Variants in PARD3 observed in about 807,000 individuals in gnomAD.
PARD3 encodes the protein partitioning defective 3 homolog.
In PARD3, 75 loss-of-function variants were observed where a neutral mutation model predicts 155.4. That is an observed-to-expected ratio of 0.48 (90% CI 0.40 to 0.58). The LOEUF (loss-of-function observed/expected upper bound fraction) is 0.58. PARD3 is among the 20% of genes least tolerant of loss of function. PARD3 has a pLI of 0.00. For synonymous variants in PARD3, 576 were observed against 610.5 expected (o/e 0.94, Z 0.83); for missense variants, 1,642 against 1,721.7 (o/e 0.95, Z 0.82).
At chr10:34,702,020 C>G (rs971243884) in intron 1 of PARD3, among the ~76,000 whole-genome samples, 1 of 151,936 alleles carries the variant, frequency 6.6e-6, no homozygotes, top group Non-Finnish European at 1.5e-5. Context: ...AAACAATTAG[C>G]CGGGCATAGT....
chr10:34,151,905 TTC>T (rs1459041291), intron 22 of PARD3, among the ~76,000 whole-genome samples: 2 of 152,212 alleles, frequency 1.3e-5, no homozygotes, highest in Non-Finnish European at 2.9e-5. Flanking sequence ...TTTAAATATA[TTC>T]TGTTACTTAT....
chr10:34,579,554 C>CTCTGTGTGTGTGTGTGTGTG (rs1554775574), intron 2 of PARD3, among the ~76,000 whole-genome samples: 6 of 122,574 alleles, frequency 4.9e-5, no homozygotes, highest in African/African-American at 1.7e-4. Context: ...ACCATTTTCT[C>CTCTGTGTGTGTGTGTGTGTG]TGTGTGTGTG....
At chr10:34,328,550 G>C (rs74131702) in intron 19 of PARD3, among the ~76,000 whole-genome samples, 9,380 of 152,166 alleles carry the variant, frequency 0.062, 949 homozygotes, top group African/African-American at 0.21. Context: ...AAACAACTGT[G>C]AAGGTGGTGG....
intron 24 of PARD3, among the ~76,000 whole-genome samples, chr10:34,114,624 C>T (rs1946566799): frequency 1.3e-5 from 2 of 152,172 alleles, no homozygotes; most frequent in African/African-American, 4.8e-5. Flanking sequence ...GGATTACAGG[C>T]ATGAGCCACT....
chr10:34,178,353 C>A (rs182317804), intron 22 of PARD3, among the ~76,000 whole-genome samples: 3 of 152,318 alleles, frequency 2.0e-5, no homozygotes, highest in East Asian at 3.9e-4. Flanking sequence ...TCAAGACATT[C>A]CAGGGATCAA....
chr10:34,632,358 C>T (rs539684262), intron 2 of PARD3, among the ~76,000 whole-genome samples: 2 of 152,328 alleles, frequency 1.3e-5, no homozygotes, highest in East Asian at 1.9e-4. Context: ...CAGAATCCAG[C>T]CCCATCCTCT....
chr10:34,746,569 C>T (rs1240977171), intron 1 of PARD3, among the ~76,000 whole-genome samples: 4 of 151,992 alleles, frequency 2.6e-5, no homozygotes, highest in Non-Finnish European at 5.9e-5. Context: ...CATAAGTAGC[C>T]CAAACTTGTA....
intron 1 of PARD3, among the ~76,000 whole-genome samples, chr10:34,699,783 G>A (rs1208574492): frequency 6.6e-6 from 1 of 152,108 alleles, no homozygotes; most frequent in Non-Finnish European, 1.5e-5. Context: ...ACTAAGGCAG[G>A]GGGATCCCTT....
intron 20 of PARD3, among the ~76,000 whole-genome samples, chr10:34,313,022 T>G (rs1394754830): frequency 1.3e-5 from 2 of 152,200 alleles, no homozygotes; most frequent in African/African-American, 2.4e-5. Flanking sequence ...CCATGTTGCT[T>G]AAGAAGGCTG....
At chr10:34,182,725 C>T (rs1388114680) in intron 22 of PARD3, among the ~76,000 whole-genome samples, 2 of 141,792 alleles carry the variant, frequency 1.4e-5, no homozygotes, top group Non-Finnish European at 3.0e-5. Context: ...GTTGGTTTAG[C>T]TTCAAACTAC....
chr10:34,163,253 T>TG (rs560948990), intron 22 of PARD3, among the ~76,000 whole-genome samples: 4 of 151,710 alleles, frequency 2.6e-5, no homozygotes, highest in African/African-American at 4.8e-5. Context: ...CCACAGCCGG[T>TG]GGGGGGGAGG....
chr10:34,166,791 T>C (rs1949549129), intron 22 of PARD3, among the ~76,000 whole-genome samples: 1 of 152,284 alleles, frequency 6.6e-6, no homozygotes, highest in Admixed American at 6.5e-5. Flanking sequence ...AAATACTTCT[T>C]TTTTAAGAAC....
chr10:34,661,894 T>C (rs1044885040), intron 2 of PARD3, among the ~76,000 whole-genome samples: 1 of 152,158 alleles, frequency 6.6e-6, no homozygotes, highest in Admixed American at 6.5e-5. Context: ...TTCCCAATCA[T>C]GGAGTAGTGC....
intron 2 of PARD3, among the ~76,000 whole-genome samples, chr10:34,691,618 G>A (rs2094063444): frequency 6.6e-6 from 1 of 152,158 alleles, no homozygotes; most frequent in African/African-American, 2.4e-5. Context: ...AACTGAAAAA[G>A]AGCCTGAATA....
intron 3 of PARD3, among the ~76,000 whole-genome samples, chr10:34,499,446 C>T (rs962951283): frequency 6.6e-6 from 1 of 151,776 alleles, no homozygotes; most frequent in Non-Finnish European, 1.5e-5. Flanking sequence ...AAGTTATTTG[C>T]GAGGTTTCCA....
At chr10:34,313,943 G>A (rs1182290653) in intron 20 of PARD3, among the ~76,000 whole-genome samples, 3 of 152,104 alleles carry the variant, frequency 2.0e-5, no homozygotes, top group Admixed American at 1.3e-4. Context: ...TGTTTTCTGA[G>A]CTACAAGATA....
chr10:34,565,260 C>CTTTTTTTTTTTT lies in PARD3; in HGVS notation c.223-48113_223-48102dup, dbSNP rs59606413. On this transcript the variant is annotated intron_variant, in intron 2 of 24. Transcript: ENST00000374788. ...TCAGATAAAAGACAAAGGAGCAAGG[C>CTTTTTTTTTTTT]TTTTTTTTTTTTTTTTTTTTTTTTT... 1.3e-4 allele frequency among the ~76,000 whole-genome samples: 5 copies of CTTTTTTTTTTTT among 39,670 alleles called. 2 individuals are homozygous for CTTTTTTTTTTTT. Among genetic ancestry groups the CTTTTTTTTTTTT allele is most frequent in the African/African-American group, 5.5e-4 (5 of 9,064 alleles). The allele number at this position is 39,670 out of a possible 152,430, so 26.0% of individuals were successfully genotyped here.
chr10:34,156,101 A>G (rs1948993049), intron 22 of PARD3, among the ~76,000 whole-genome samples: 1 of 152,132 alleles, frequency 6.6e-6, no homozygotes, highest in South Asian at 2.1e-4. Flanking sequence ...ACTGATTCTC[A>G]TATTTTTCTG....
intron 22 of PARD3, among the ~76,000 whole-genome samples, chr10:34,268,229 A>G (rs956848747): frequency 6.6e-6 from 1 of 152,174 alleles, no homozygotes; most frequent in Non-Finnish European, 1.5e-5. Flanking sequence ...CCATAATGAG[A>G]TACCATCTCA....
Sources: allele counts gnomAD v4.1 joint callset (sites outside exome capture counted in the v4.1 genomes callset), GRCh38; gene constraint gnomAD v4.1.1; transcripts MANE v1.5; gene names NCBI Gene and HGNC (gene_info 2026-07-23, HGNC 2026-07-21).